NTM: variants seen among roughly 807,000 people sequenced by gnomAD.
NTM encodes the protein neurotrimin, also known as IgLON family member 2.
Under a neutral mutation model 42.1 loss-of-function variants are expected in NTM, and 13 were observed. The ratio of observed to expected loss-of-function variants is 0.31; its 90% CI spans 0.20 to 0.49. The LOEUF (loss-of-function observed/expected upper bound fraction) is 0.49, where lower values mean the gene tolerates loss of function less well. NTM is among the 20% of genes least tolerant of loss of function. The probability of loss-of-function intolerance (pLI) is 0.99; values close to 1 mark genes in which losing one functional copy is unlikely to be tolerated. For synonymous variants in NTM, 187 were observed against 179.2 expected (o/e 1.04, Z -0.35); for missense variants, 373 against 452.8 (o/e 0.82, Z 1.60).
At chr11:131,784,609 G>A (rs1338043449) in intron 1 of NTM, among the ~76,000 whole-genome samples, 2 of 152,156 alleles carry the variant, frequency 1.3e-5, no homozygotes, top group East Asian at 3.9e-4. Flanking sequence ...GGGGGTTAGG[G>A]GTTGCTGAAA....
At chr11:131,905,479 C>T (rs1294321074) in intron 1 of NTM, among the ~76,000 whole-genome samples, 1 of 152,054 alleles carries the variant, frequency 6.6e-6, no homozygotes, top group Non-Finnish European at 1.5e-5. Flanking sequence ...CGTGTAGCGT[C>T]TGTGCTGTCT....
At chr11:131,804,996 C>T (rs1398548189) in intron 1 of NTM, among the ~76,000 whole-genome samples, 1 of 152,168 alleles carries the variant, frequency 6.6e-6, no homozygotes, top group African/African-American at 2.4e-5. Context: ...AACCTGCTGG[C>T]AACTGGATGT....
chr11:131,383,675 A>G (rs1942969018), intron 1 of NTM, among the ~76,000 whole-genome samples: 1 of 152,206 alleles, frequency 6.6e-6, no homozygotes, highest in Non-Finnish European at 1.5e-5. Context: ...GGTCAGGGCT[A>G]GAATTGTTTT....
chr11:132,158,571 T>C (rs1321544418), intron 3 of NTM, among the ~76,000 whole-genome samples: 1 of 152,226 alleles, frequency 6.6e-6, no homozygotes, highest in Non-Finnish European at 1.5e-5. Flanking sequence ...TTCATTGTTG[T>C]TTCCCAAGTG....
At chr11:131,825,295 T>G (rs951188457) in intron 1 of NTM, among the ~76,000 whole-genome samples, 4 of 151,896 alleles carry the variant, frequency 2.6e-5, no homozygotes, top group African/African-American at 9.7e-5. Context: ...AATCTTAATT[T>G]AACTAATTAC....
intron 7 of NTM, among the ~76,000 whole-genome samples, chr11:132,327,100 A>G (rs2095699190): frequency 6.6e-6 from 1 of 152,136 alleles, no homozygotes; most frequent in Non-Finnish European, 1.5e-5. Context: ...CACCTCTCCT[A>G]TTAATATTTG....
At chr11:131,474,757 G>A (rs73024110) in intron 1 of NTM, among the ~76,000 whole-genome samples, 3,772 of 152,078 alleles carry the variant, frequency 0.025, 71 homozygotes, top group Middle Eastern at 0.058. Flanking sequence ...TAGTTATAGG[G>A]TATCATTATA....
intron 1 of NTM, among the ~76,000 whole-genome samples, chr11:131,863,759 T>C: frequency 6.6e-6 from 1 of 152,174 alleles, no homozygotes; most frequent in Admixed American, 6.5e-5. Context: ...CTAAAAATCT[T>C]CCACAGGTTC....
Position 132,321,361 on chromosome 11 carries a change from C to T in NTM, c.934+6658C>T, listed in dbSNP as rs546390605. ...GCTGATGGAGGTGAAAACCAAGGCT[C>T]GAGAACTACGTGAAGAATGCAGAAG... On this transcript the variant is annotated intron_variant, in intron 7 of 8. Transcript: ENST00000683400. Among the ~76,000 whole-genome samples, 153 of 152,064 alleles carry T rather than the reference C, an allele frequency of 1.0e-3. 3 individuals carry two copies. In the East Asian group the frequency reaches 0.022, roughly 22 times the overall value.
intron 1 of NTM, among the ~76,000 whole-genome samples, chr11:131,776,929 G>T (rs188423108): frequency 2.6e-5 from 4 of 152,252 alleles, no homozygotes; most frequent in South Asian, 2.1e-4. Flanking sequence ...CATTTTGCTA[G>T]AACTTAGTAA....
At chr11:131,537,441 C>T (rs2052449712) in intron 1 of NTM, 1 of 152,160 alleles carries the variant, frequency 6.6e-6, no homozygotes, top group African/African-American at 2.4e-5. Context: ...ACTTGTGCGT[C>T]CGGGGCTGAC....
intron 1 of NTM, among the ~76,000 whole-genome samples, chr11:131,797,632 T>C (rs1020432734): frequency 5.3e-5 from 8 of 152,228 alleles, no homozygotes; most frequent in African/African-American, 1.9e-4. Flanking sequence ...AGTATGGTAA[T>C]GGTAATGTGT....
At chr11:132,243,091 G>A (rs2090491104) in intron 4 of NTM, among the ~76,000 whole-genome samples, 1 of 152,126 alleles carries the variant, frequency 6.6e-6, no homozygotes, top group Middle Eastern at 3.2e-3. Flanking sequence ...CAACATCCAG[G>A]TCTAACAGCT....
intron 1 of NTM, among the ~76,000 whole-genome samples, chr11:131,676,563 G>GT (rs1375415673): frequency 6.6e-6 from 1 of 152,118 alleles, no homozygotes; most frequent in Middle Eastern, 3.2e-3. Flanking sequence ...GAGACAGAAG[G>GT]TTTTATCAGA....
At chr11:131,433,561 A>G (rs1948865551) in intron 1 of NTM, among the ~76,000 whole-genome samples, 1 of 152,152 alleles carries the variant, frequency 6.6e-6, no homozygotes, top group Non-Finnish European at 1.5e-5. Context: ...AGGGTAAGCA[A>G]CTTGCTTCAC....
intron 1 of NTM, among the ~76,000 whole-genome samples, chr11:131,708,548 A>G (rs2076812530): frequency 2.6e-5 from 4 of 152,170 alleles, no homozygotes; most frequent in Admixed American, 2.6e-4. Context: ...TTAAAAAATA[A>G]CTGAGAAAAA....
intron 2 of NTM, among the ~76,000 whole-genome samples, chr11:132,112,768 C>T (rs1172740469): frequency 6.7e-6 from 1 of 150,094 alleles, no homozygotes; most frequent in East Asian, 2.0e-4. Context: ...CATTACATGG[C>T]AAGTCTTCTG....
chr11:131,973,353 G>A (rs1231300813), intron 2 of NTM, among the ~76,000 whole-genome samples: 1 of 152,194 alleles, frequency 6.6e-6, no homozygotes, highest in Non-Finnish European at 1.5e-5. Flanking sequence ...CTCTCACTTA[G>A]CTCTTACTTT....
chr11:132,025,867 G>C (rs1208565826), intron 2 of NTM, among the ~76,000 whole-genome samples: 1 of 152,134 alleles, frequency 6.6e-6, no homozygotes, highest in Non-Finnish European at 1.5e-5. Flanking sequence ...CATGTCCTAA[G>C]CCCTTCCCTT....
Sources: allele counts gnomAD v4.1 joint callset (sites outside exome capture counted in the v4.1 genomes callset), GRCh38; gene constraint gnomAD v4.1.1; transcripts MANE v1.5; gene names NCBI Gene and HGNC (gene_info 2026-07-23, HGNC 2026-07-21).